The following TFAP2C variants were observed in gnomAD, a reference collection of about 807,000 sequenced individuals.
TFAP2C encodes transcription factor AP-2 gamma, also known as activating enhancer-binding protein 2 gamma.
A neutral mutation model predicts 42.9 loss-of-function variants in TFAP2C; 9 were observed. That is an observed-to-expected ratio of 0.21 (90% CI 0.13 to 0.37). The LOEUF (loss-of-function observed/expected upper bound fraction) is 0.37, where lower values mean the gene tolerates loss of function less well. TFAP2C is among the 10% of genes least tolerant of loss of function. TFAP2C has a pLI of 1.00. For missense variants in TFAP2C, 462 were observed against 591.7 expected, an observed-to-expected ratio of 0.78 and a Z score of 2.27; for synonymous variants, 264 against 256.0, an observed-to-expected ratio of 1.03 and a Z score of -0.30.
In TFAP2C at chr20:56,630,711, GGGC is replaced by G; in HGVS notation, c.49-491_49-489del. ...GAGGGCGTGGAAGGGAGGGTCCCGG[GGGC>G]GGGGGAGGTGCGCATTTCCCGCGCC... On this transcript the variant is annotated intron_variant, in intron 1 of 6. Coordinates refer to ENST00000201031, the MANE Select transcript of TFAP2C (RefSeq NM_003222.4). This position sits in a 1 kb window ranked among gnomAD's most constrained non-coding sequence, Gnocchi z 5.1. 1 of 985,382 alleles carries G rather than the reference GGGC, an allele frequency of 1.0e-6. No individual in the cohort carries two copies. 61.0% of individuals were successfully genotyped at this position (985,382 alleles called of 1,614,324 possible). A position where few individuals can be genotyped will look rare whatever the true frequency, so the allele number is the denominator to read the frequency against.
At chr20:56,634,120 G>A in intron 4 of TFAP2C, 30 bp from the exon 5 acceptor site, 1 of 1,517,528 alleles carries the variant, frequency 6.6e-7, no homozygotes, top group Non-Finnish European at 9.1e-7. Flanking sequence ...GTTTTTGAGA[G>A]TAGCCAGAGT....
In TFAP2C at chr20:56,631,747, AC is replaced by A; in HGVS notation, c.535-54del. On this transcript the variant is annotated intron_variant, in intron 2 of 6. Transcript: ENST00000201031. The surrounding 1 kb of genome is among the most constrained non-coding windows in gnomAD (Gnocchi z 6.1). ...GTTCACCCTACGGCCTTCTGCCCCCACCCCGCACTCCTCTAGGCTCCCCCGA... is the reference window on the plus strand; with the variant it reads ...GTTCACCCTACGGCCTTCTGCCCCCACCCGCACTCCTCTAGGCTCCCCCGA... 6.2e-7 allele frequency: 1 copy of A among 1,611,850 alleles called. No individual in the cohort carries two copies.
chr20:56,630,953 C>A lies in TFAP2C; in HGVS notation c.49-252C>A. The stretch of plus-strand genomic sequence containing the variant: ...CTCGGGCTTGGGAGCAGCGCCTAGA[C>A]CTTCGCCGCCGGGCTTTGAGAACTC... On this transcript the variant is annotated intron_variant, in intron 1 of 6. Transcript: ENST00000201031. This position sits in a 1 kb window ranked among gnomAD's most constrained non-coding sequence, Gnocchi z 5.1. 1.0e-6 allele frequency: 1 copy of A among 985,436 alleles called. No individual in the cohort carries two copies. Among genetic ancestry groups the A allele is most frequent in the Non-Finnish European group, 1.2e-6 (1 of 829,926 alleles). The allele number at this position is 985,436 out of a possible 1,614,324, so 61.0% of individuals were successfully genotyped here.
chr20:56,635,019 G>T (rs930186305), intron 5 of TFAP2C, among the ~76,000 whole-genome samples: 1 of 152,180 alleles, frequency 6.6e-6, no homozygotes, highest in Non-Finnish European at 1.5e-5. Context: ...GAGGCTTAGG[G>T]CTCTCACTAT....
chr20:56,638,094 C>T lies in TFAP2C; in HGVS notation c.*81C>T. On this transcript the variant is annotated 3_prime_UTR_variant, in exon 7 of 7. Coordinates refer to ENST00000201031, the MANE Select transcript of TFAP2C (RefSeq NM_003222.4). ...TTCTCCACCGCACAGACTGGGAACC[C>T]CTCCTGGCCTGGGGGAAGAGTTTGT... 1 of 1,318,376 alleles carries T rather than the reference C, an allele frequency of 7.6e-7. No individual in the cohort carries two copies. The highest frequency in any genetic ancestry group is 2.5e-5 in the East Asian group (1 of 39,800). 81.7% of individuals were successfully genotyped at this position (1,318,376 alleles called of 1,614,324 possible).
rs1987623228 is a variant in TFAP2C, at chr20:56,638,218, G to T, written c.*205G>T. On this transcript the variant is annotated 3_prime_UTR_variant, in exon 7 of 7. Transcript: ENST00000201031. ...AGCGCTGAGCTATCTCCTAACTTTG[G>T]ACCTATTATCAGAAGGTGACAAGTA... 1.8e-6 allele frequency: 1 copy of T among 542,604 alleles called. No individual in the cohort carries two copies. The highest frequency in any genetic ancestry group is 1.9e-5 in the African/African-American group (1 of 53,300). 33.6% of individuals were successfully genotyped at this position (542,604 alleles called of 1,614,324 possible).
In TFAP2C at chr20:56,630,744, A is replaced by C; in HGVS notation, c.49-461A>C. 1 of 984,598 alleles carries C rather than the reference A, an allele frequency of 1.0e-6. No individual in the cohort carries two copies. The highest frequency in any genetic ancestry group is 1.2e-6 in the Non-Finnish European group (1 of 829,664). 61.0% of individuals were successfully genotyped at this position (984,598 alleles called of 1,614,324 possible). Reference sequence around the variant, plus strand: ...GAGGTGCGCATTTCCCGCGCCGCGCACTCTATCCGCGCCTGCCGCGCTGCC... The same window carrying C: ...GAGGTGCGCATTTCCCGCGCCGCGCCCTCTATCCGCGCCTGCCGCGCTGCC... On this transcript the variant is annotated intron_variant, in intron 1 of 6. Transcript: ENST00000201031. This position sits in a 1 kb window ranked among gnomAD's most constrained non-coding sequence, Gnocchi z 5.1.
rs1016751097 is a variant in TFAP2C, at chr20:56,638,102, C to T, written c.*89C>T. 5 of 1,246,196 alleles carry T rather than the reference C, an allele frequency of 4.0e-6. No homozygotes were observed. In the African/African-American group the frequency reaches 7.6e-5, roughly 19 times the overall value. 77.2% of individuals were successfully genotyped at this position (1,246,196 alleles called of 1,614,324 possible). On this transcript the variant is annotated 3_prime_UTR_variant, in exon 7 of 7. Transcript: ENST00000201031. ...CGCACAGACTGGGAACCCCTCCTGGCCTGGGGGAAGAGTTTGTTACCTACC... is the reference window on the plus strand; with the variant it reads ...CGCACAGACTGGGAACCCCTCCTGGTCTGGGGGAAGAGTTTGTTACCTACC...
At chr20:56,637,034 A>G (rs536336610) in intron 6 of TFAP2C, among the ~76,000 whole-genome samples, 2 of 152,316 alleles carry the variant, frequency 1.3e-5, no homozygotes, top group South Asian at 4.1e-4. Flanking sequence ...GTGTTAGCAT[A>G]TCTTACAAAA....
chr20:56,637,794 C>A lies in TFAP2C; in HGVS notation c.1134C>A (p.Leu378=), dbSNP rs376628585. 6.2e-7 allele frequency: 1 copy of A among 1,614,032 alleles called. No individual in the cohort carries two copies. Among genetic ancestry groups the A allele is most frequent in the Admixed American group, 1.7e-5 (1 of 60,010 alleles). The part of the protein sequence containing the change: ...QDRTPHGTSR[L]APVLETNIQN... ...GGACACCCCATGGGACCAGCAGGCT[C>A]GCCCCAGTCTTGGAGACGAACATAC... Residue 378 remains leucine (L), a synonymous_variant, in exon 7 of 7, where the codon CTC becomes CTA. Coordinates refer to ENST00000201031, the MANE Select transcript of TFAP2C (RefSeq NM_003222.4).
At position 56,638,073 on chromosome 20, in the gene TFAP2C, C is replaced by T; in HGVS notation, c.*60C>T. The T allele has an allele frequency of 6.7e-7, 1 of 1,485,408 alleles. No homozygotes were observed. The highest frequency in any genetic ancestry group is 2.0e-5 in the Admixed American group (1 of 49,370). 92.0% of individuals were successfully genotyped at this position (1,485,408 alleles called of 1,614,324 possible). A position where few individuals can be genotyped will look rare whatever the true frequency, so the allele number is the denominator to read the frequency against. Reference sequence around the variant, plus strand: ...GGAACAGGACTGCAAAAATCCTTCTCCACCGCACAGACTGGGAACCCCTCC... The same window carrying T: ...GGAACAGGACTGCAAAAATCCTTCTTCACCGCACAGACTGGGAACCCCTCC... On this transcript the variant is annotated 3_prime_UTR_variant, in exon 7 of 7. Transcript: ENST00000201031.
Position 56,631,188 on chromosome 20 carries a change from T to C in TFAP2C, c.49-17T>C, listed in dbSNP as rs772149182. On this transcript the variant is annotated splice_polypyrimidine_tract_variant and intron_variant, in intron 1 of 6. Transcript: ENST00000201031. The surrounding 1 kb of genome is among the most constrained non-coding windows in gnomAD (Gnocchi z 6.1). ...TTTCGCACTAACGGGGTCTCCTGTT[T>C]TTTTTTTTCCCTCCAGGATCGCCAC... 4 of 1,492,522 alleles carry C rather than the reference T, an allele frequency of 2.7e-6. No individual in the cohort carries two copies. Among genetic ancestry groups the C allele is most frequent in the Non-Finnish European group, 8.9e-7 (1 of 1,123,370 alleles). 92.5% of individuals were successfully genotyped at this position (1,492,522 alleles called of 1,614,324 possible).
chr20:56,630,776 AG>A lies in TFAP2C; in HGVS notation c.49-428del, dbSNP rs1038110765. The stretch of plus-strand genomic sequence containing the variant: ...CCGCGCCTGCCGCGCTGCCACCTCC[AG>A]CAGTCCCTGCGTCATGGGCGGGCTC... On this transcript the variant is annotated intron_variant, in intron 1 of 6. Coordinates refer to ENST00000201031, the MANE Select transcript of TFAP2C (RefSeq NM_003222.4). This position sits in a 1 kb window ranked among gnomAD's most constrained non-coding sequence, Gnocchi z 5.1. 16 of 985,142 alleles carry A rather than the reference AG, an allele frequency of 1.6e-5. No individual in the cohort carries two copies. The Admixed American group carries it at 9.8e-4, about 61-fold the overall frequency. 61.0% of individuals were successfully genotyped at this position (985,142 alleles called of 1,614,324 possible). A position where few individuals can be genotyped will look rare whatever the true frequency, so the allele number is the denominator to read the frequency against.
rs779975084 is a variant in TFAP2C, at chr20:56,637,768, C to T, written c.1108C>T (p.Arg370Trp). 13 of 1,614,184 alleles carry T rather than the reference C, an allele frequency of 8.1e-6. No homozygotes were observed. Among genetic ancestry groups the T allele is most frequent in the Non-Finnish European group, 1.0e-5 (12 of 1,180,034 alleles). Residue 370 changes from arginine (R) to tryptophan (W), a missense_variant, in exon 7 of 7, where the codon CGG becomes TGG. Coordinates refer to ENST00000201031, the MANE Select transcript of TFAP2C (RefSeq NM_003222.4). ...KEFTELLSQD[R>W]TPHGTSRLAP... ...ATTCACAGAACTTCTCAGCCAAGAC[C>T]GGACACCCCATGGGACCAGCAGGCT...
intron 5 of TFAP2C, among the ~76,000 whole-genome samples, chr20:56,634,791 T>G (rs1987554278): frequency 6.6e-6 from 1 of 152,172 alleles, no homozygotes; most frequent in Admixed American, 6.5e-5. Context: ...AAAAAACTAA[T>G]CGAACCCCTG....
Position 56,631,716 on chromosome 20 carries a change from G to C in TFAP2C, c.534+26G>C, listed in dbSNP as rs761562769. On this transcript the variant is annotated intron_variant, in intron 2 of 6. Coordinates refer to ENST00000201031, the MANE Select transcript of TFAP2C (RefSeq NM_003222.4). The surrounding 1 kb of genome is among the most constrained non-coding windows in gnomAD (Gnocchi z 6.1). ...GTGAGCGGCGCTGCGGCTCCTGACC[G>C]GACCTGTTCACCCTACGGCCTTCTG... 1.2e-6 allele frequency: 2 copies of C among 1,604,846 alleles called. No individual in the cohort carries two copies. The highest frequency in any genetic ancestry group is 1.1e-5 in the South Asian group (1 of 89,650).
At chr20:56,637,348 G>A (rs929377595) in intron 6 of TFAP2C, among the ~76,000 whole-genome samples, 1 of 152,170 alleles carries the variant, frequency 6.6e-6, no homozygotes, top group African/African-American at 2.4e-5. Flanking sequence ...TCCTTCTCCC[G>A]GTTCCTCACG....
intron 6 of TFAP2C, among the ~76,000 whole-genome samples, chr20:56,637,486 C>A (rs1987606238): frequency 6.6e-6 from 1 of 152,222 alleles, no homozygotes; most frequent in South Asian, 2.1e-4. Flanking sequence ...TAAGTTAATC[C>A]TGTTGTCTTT....
In TFAP2C at chr20:56,630,774, C is replaced by T; in HGVS notation, c.49-431C>T. 1.0e-6 allele frequency: 1 copy of T among 985,432 alleles called. No individual in the cohort carries two copies. Among genetic ancestry groups the T allele is most frequent in the Non-Finnish European group, 1.2e-6 (1 of 829,930 alleles). 61.0% of individuals were successfully genotyped at this position (985,432 alleles called of 1,614,324 possible). A position where few individuals can be genotyped will look rare whatever the true frequency, so the allele number is the denominator to read the frequency against. On this transcript the variant is annotated intron_variant, in intron 1 of 6. Coordinates refer to ENST00000201031, the MANE Select transcript of TFAP2C (RefSeq NM_003222.4). The surrounding 1 kb of genome is among the most constrained non-coding windows in gnomAD (Gnocchi z 5.1). ...ATCCGCGCCTGCCGCGCTGCCACCT[C>T]CAGCAGTCCCTGCGTCATGGGCGGG... is the stretch of plus-strand genomic sequence containing the variant.
Sources: allele counts gnomAD v4.1 joint callset (sites outside exome capture counted in the v4.1 genomes callset), GRCh38; gene constraint gnomAD v4.1.1; non-coding constraint Gnocchi (gnomAD v3.1); transcripts MANE v1.5; gene names NCBI Gene and HGNC (gene_info 2026-07-23, HGNC 2026-07-21).